Variants in RAPGEF5 observed in about 807,000 individuals in gnomAD.
RAPGEF5 encodes the protein M-Ras-regulated GEF.
A neutral mutation model predicts 125.2 loss-of-function variants in RAPGEF5; 65 were observed. The observed-to-expected ratio is 0.52, with a 90% CI of 0.43 to 0.64. The LOEUF (loss-of-function observed/expected upper bound fraction) is 0.64, where lower values mean the gene tolerates loss of function less well. Among genes scored for constraint, RAPGEF5 ranks in the 30% least tolerant of loss-of-function variants. The pLI, the probability that RAPGEF5 is intolerant of heterozygous loss-of-function variation, is 0.00. For synonymous variants in RAPGEF5, 391 were observed against 385.9 expected, an observed-to-expected ratio of 1.01 and a Z score of -0.16; for missense variants, 958 against 1,048.1, an observed-to-expected ratio of 0.91 and a Z score of 1.19.
chr7:22,190,819 A>G (rs1784970776), intron 11 of RAPGEF5, among the ~76,000 whole-genome samples: 1 of 152,216 alleles, frequency 6.6e-6, no homozygotes, highest in Admixed American at 6.5e-5. Context: ...AAGAATCCAG[A>G]ACAGGCTCAT....
chr7:22,156,874 G>A lies in RAPGEF5; in HGVS notation c.1572C>T (p.Phe524=). Residue 524 remains phenylalanine (F), a synonymous_variant, in exon 16 of 26, where the codon TTC becomes TTT. Transcript: ENST00000665637. ...YSPQKKNKAL[F]HQFSLKENWL... is the part of the protein sequence containing the mutation. The stretch of plus-strand genomic sequence containing the variant: ...AGTTCTCCTTAAGACTGAATTGGTG[G>A]AAAAGGGCTTTATTCTGTGAGATGG... The A allele has an allele frequency of 6.2e-7, 1 of 1,613,938 alleles. No homozygotes were observed. Among genetic ancestry groups the A allele is most frequent in the Non-Finnish European group, 8.5e-7 (1 of 1,179,842 alleles).
intron 7 of RAPGEF5, among the ~76,000 whole-genome samples, chr7:22,260,881 A>T (rs568411658): frequency 2.3e-4 from 35 of 152,334 alleles, no homozygotes; most frequent in African/African-American, 7.9e-4. Flanking sequence ...GTGTAGGCAC[A>T]AGGAAAGGTA....
At chr7:22,145,956 G>A (rs945919544) in intron 19 of RAPGEF5, among the ~76,000 whole-genome samples, 2 of 150,364 alleles carry the variant, frequency 1.3e-5, no homozygotes, top group African/African-American at 4.9e-5. Flanking sequence ...GTTTTTAAAT[G>A]TGTTTGTGTG....
intron 18 of RAPGEF5, among the ~76,000 whole-genome samples, chr7:22,149,535 T>C (rs956531221): frequency 6.6e-6 from 1 of 152,204 alleles, no homozygotes; most frequent in African/African-American, 2.4e-5. Context: ...ACAGCAGCAA[T>C]GAAATCACCC....
intron 9 of RAPGEF5, among the ~76,000 whole-genome samples, chr7:22,199,532 A>AAAG (rs1785229088): frequency 3.4e-4 from 1 of 2,942 alleles, no homozygotes; most frequent in Non-Finnish European, 7.9e-4. Flanking sequence ...CTTAAAATTG[A>AAAG]AAAAAAAAAA....
chr7:22,193,803 G>C (rs1355566648), intron 10 of RAPGEF5, 112 bp downstream of exon 10: 12 of 1,609,606 alleles, frequency 7.5e-6, no homozygotes, highest in Non-Finnish European at 9.3e-6. Flanking sequence ...GAAAAGAGAG[G>C]GAGGGAGGGT....
chr7:22,318,093 A>C, intron 1 of RAPGEF5, 56 bp from the exon 2 acceptor site: 6 of 1,493,444 alleles, frequency 4.0e-6, no homozygotes, highest in Non-Finnish European at 5.3e-6. Context: ...TTTGTACCAA[A>C]AAATGAAAAC....
chr7:22,341,186 G>A (rs560885957), intron 1 of RAPGEF5, among the ~76,000 whole-genome samples: 1 of 152,332 alleles, frequency 6.6e-6, no homozygotes, highest in East Asian at 1.9e-4. Flanking sequence ...CATGGCAGAA[G>A]GTGAAAGGCA....
intron 8 of RAPGEF5, among the ~76,000 whole-genome samples, chr7:22,221,403 A>G (rs1314388907): frequency 2.0e-5 from 3 of 152,182 alleles, no homozygotes; most frequent in Non-Finnish European, 4.4e-5. Context: ...TCTTTATCCA[A>G]TGTGACAATC....
intron 12 of RAPGEF5, among the ~76,000 whole-genome samples, chr7:22,162,755 G>C (rs576872816): frequency 8.5e-5 from 13 of 152,318 alleles, no homozygotes; most frequent in South Asian, 2.1e-4. Flanking sequence ...CAGCCAGGAA[G>C]TGAAGGGTTG....
At chr7:22,313,608 T>C (rs1783522697) in intron 3 of RAPGEF5, among the ~76,000 whole-genome samples, 1 of 152,200 alleles carries the variant, frequency 6.6e-6, no homozygotes, top group African/African-American at 2.4e-5. Flanking sequence ...TTTTTTTCCA[T>C]GAACCTGATT....
intron 1 of RAPGEF5, among the ~76,000 whole-genome samples, chr7:22,337,367 G>A (rs978903413): frequency 1.3e-5 from 2 of 152,072 alleles, no homozygotes. Context: ...AGTTTTAAAA[G>A]ACATCTTAAA....
At chr7:22,250,972 C>A (rs1005999418) in intron 7 of RAPGEF5, among the ~76,000 whole-genome samples, 7 of 152,006 alleles carry the variant, frequency 4.6e-5, no homozygotes, top group African/African-American at 1.7e-4. Flanking sequence ...CTGGCCACAC[C>A]CCCAGAACTG....
intron 20 of RAPGEF5, among the ~76,000 whole-genome samples, chr7:22,140,749 A>G (rs551837020): frequency 6.6e-6 from 1 of 152,268 alleles, no homozygotes; most frequent in African/African-American, 2.4e-5. Flanking sequence ...TCATGCCCAG[A>G]GACTTAACTG....
intron 8 of RAPGEF5, among the ~76,000 whole-genome samples, chr7:22,221,730 G>A (rs1010804921): frequency 3.1e-4 from 47 of 152,260 alleles, no homozygotes; most frequent in African/African-American, 1.1e-3. Context: ...TGCCATGATT[G>A]TAAGGCCTCT....
At chr7:22,147,273 C>CG (rs971117660) in intron 18 of RAPGEF5, among the ~76,000 whole-genome samples, 80 of 152,210 alleles carry the variant, frequency 5.3e-4, no homozygotes, top group Admixed American at 5.2e-3. Context: ...CCTACCCCCA[C>CG]GTGCACACAT....
At chr7:22,292,092 G>A (rs868264883) in intron 5 of RAPGEF5, among the ~76,000 whole-genome samples, 10 of 152,154 alleles carry the variant, frequency 6.6e-5, no homozygotes, top group South Asian at 4.1e-4. Flanking sequence ...TGTGGACAGG[G>A]GGCGGAGGGG....
intron 11 of RAPGEF5, among the ~76,000 whole-genome samples, chr7:22,170,922 G>C (rs1343357559): frequency 6.6e-6 from 1 of 152,000 alleles, no homozygotes; most frequent in Non-Finnish European, 1.5e-5. Context: ...GAATAGAACA[G>C]ATTCCCAATA....
At chr7:22,264,633 C>T (rs1196824883) in intron 7 of RAPGEF5, among the ~76,000 whole-genome samples, 1 of 152,146 alleles carries the variant, frequency 6.6e-6, no homozygotes. Context: ...AATGTGTCCA[C>T]CCAAATACTC....
Sources: gnomAD v4.1 joint callset for allele counts (sites outside exome capture counted in the v4.1 genomes callset) on GRCh38, gnomAD v4.1.1 for gene constraint, MANE v1.5 for transcripts, NCBI Gene and HGNC (gene_info 2026-07-23, HGNC 2026-07-21) for gene names.